Variants in FAM117B observed in about 807,000 individuals in gnomAD.
FAM117B encodes protein FAM117B.
A neutral mutation model predicts 52.8 loss-of-function variants in FAM117B; 22 were observed. The ratio of observed to expected loss-of-function variants is 0.42; its 90% CI spans 0.30 to 0.59. FAM117B has a LOEUF of 0.59. FAM117B is among the 20% of genes least tolerant of loss of function. The pLI, the probability that FAM117B is intolerant of heterozygous loss-of-function variation, is 0.22. For missense variants in FAM117B, 678 were observed against 802.6 expected, an observed-to-expected ratio of 0.84 and a Z score of 1.88; for synonymous variants, 309 against 324.1, an observed-to-expected ratio of 0.95 and a Z score of 0.50.
intron 1 of FAM117B, among the ~76,000 whole-genome samples, chr2:202,651,469 T>C (rs1403325753): frequency 6.6e-6 from 1 of 151,464 alleles, no homozygotes; most frequent in Admixed American, 6.6e-5. Flanking sequence ...ATCTCCTGGG[T>C]TTAAGTGATT....
intron 1 of FAM117B, among the ~76,000 whole-genome samples, chr2:202,667,393 G>T (rs548766962): frequency 2.0e-5 from 3 of 152,048 alleles, no homozygotes; most frequent in African/African-American, 7.2e-5. Context: ...GAGCCACCAC[G>T]CCCGGCCTAA....
chr2:202,678,320 T>C lies in FAM117B; in HGVS notation c.602-17561T>C, dbSNP rs1006035036. On this transcript the variant is annotated intron_variant, in intron 1 of 7. Transcript: ENST00000392238. Reference sequence around the variant, plus strand: ...TGTGCGGTAGAAAAGTGGCTGCTTATATGAGGAGGCTGGAGGAGGTGGTGT... The same window carrying C: ...TGTGCGGTAGAAAAGTGGCTGCTTACATGAGGAGGCTGGAGGAGGTGGTGT... Among the ~76,000 whole-genome samples, 7 of 152,150 alleles carry C rather than the reference T, an allele frequency of 4.6e-5. No homozygotes were observed. In the East Asian group the frequency reaches 1.3e-3, roughly 29 times the overall value.
At chr2:202,666,653 TGTTTC>T (rs1206191492) in intron 1 of FAM117B, among the ~76,000 whole-genome samples, 3 of 151,314 alleles carry the variant, frequency 2.0e-5, no homozygotes, top group African/African-American at 7.3e-5. Flanking sequence ...TGAAATAACA[TGTTTC>T]GTTTCATTTC....
chr2:202,739,072 C>G (rs1691483980), intron 4 of FAM117B, among the ~76,000 whole-genome samples: 1 of 152,044 alleles, frequency 6.6e-6, no homozygotes, highest in Admixed American at 6.6e-5. Flanking sequence ...ACCTGTAATC[C>G]CAGCTACTCA....
At chr2:202,665,402 C>T (rs568535655) in intron 1 of FAM117B, among the ~76,000 whole-genome samples, 37 of 152,056 alleles carry the variant, frequency 2.4e-4, no homozygotes, top group Non-Finnish European at 4.3e-4. Flanking sequence ...CTTCTGCAGC[C>T]AGCCAAAGAA....
intron 3 of FAM117B, among the ~76,000 whole-genome samples, chr2:202,725,445 A>G (rs1559110455): frequency 1.3e-5 from 2 of 152,124 alleles, no homozygotes; most frequent in East Asian, 3.9e-4. Flanking sequence ...CAGCCTCCCA[A>G]GTACCTGGGA....
At chr2:202,726,894 C>T (rs1186144665) in intron 4 of FAM117B, among the ~76,000 whole-genome samples, 1 of 151,818 alleles carries the variant, frequency 6.6e-6, no homozygotes, top group Non-Finnish European at 1.5e-5. Flanking sequence ...TGTAACAAAC[C>T]TGCATGTTGT....
At chr2:202,717,740 T>C (rs1287804343) in intron 2 of FAM117B, among the ~76,000 whole-genome samples, 2 of 152,180 alleles carry the variant, frequency 1.3e-5, no homozygotes, top group Non-Finnish European at 2.9e-5. Context: ...TCAATGTGAT[T>C]GCACTGGGTC....
intron 4 of FAM117B, among the ~76,000 whole-genome samples, chr2:202,752,427 T>C (rs530996059): frequency 2.0e-5 from 3 of 151,614 alleles, no homozygotes; most frequent in Admixed American, 6.6e-5. Context: ...TTTTTTTTTT[T>C]TTTTTCCAGT....
intron 7 of FAM117B, among the ~76,000 whole-genome samples, chr2:202,762,483 A>G (rs908490566): frequency 6.6e-6 from 1 of 152,228 alleles, no homozygotes; most frequent in South Asian, 2.1e-4. Flanking sequence ...ATTCTTACAC[A>G]TTATGGCTTC....
Position 202,765,782 on chromosome 2 carries a change from CTGT to C in FAM117B, c.*23_*25del. 1 of 1,606,976 alleles carries C rather than the reference CTGT, an allele frequency of 6.2e-7. No individual in the cohort carries two copies. The highest frequency in any genetic ancestry group is 1.1e-5 in the South Asian group (1 of 90,218). ...AAGGATAGGTCACAGTGCAACGTGG[CTGT>C]TGTTCTGGGAAATTGGGAACCTCCT... On this transcript the variant is annotated 3_prime_UTR_variant, in exon 8 of 8. Coordinates refer to ENST00000392238, the MANE Select transcript of FAM117B (RefSeq NM_173511.4).
At chr2:202,715,465 G>T (rs531224715) in intron 2 of FAM117B, among the ~76,000 whole-genome samples, 5 of 149,788 alleles carry the variant, frequency 3.3e-5, no homozygotes, top group African/African-American at 1.2e-4. Flanking sequence ...GGGCAGAGGC[G>T]CTCCTCACGT....
chr2:202,650,268 AGT>A (rs1449788473), intron 1 of FAM117B, among the ~76,000 whole-genome samples: 3 of 152,144 alleles, frequency 2.0e-5, no homozygotes, highest in South Asian at 2.1e-4. Flanking sequence ...TAGATGAAAG[AGT>A]GTAATGATGG....
Position 202,635,073 on chromosome 2 carries a change from CG to C in FAM117B, c.-113del. The C allele has an allele frequency of 8.1e-7, 1 of 1,234,252 alleles. No individual in the cohort carries two copies. The highest frequency in any genetic ancestry group is 1.6e-5 in the African/African-American group (1 of 63,778). 76.5% of individuals were successfully genotyped at this position (1,234,252 alleles called of 1,614,324 possible). A position where few individuals can be genotyped will look rare whatever the true frequency, so the allele number is the denominator to read the frequency against. ...CGGTCTCCCCCTGCACCCCGGAGTCCGGCTTCGTCACCCCGTCTTGGGGGGC... is the reference window on the plus strand; with the variant it reads ...CGGTCTCCCCCTGCACCCCGGAGTCCGCTTCGTCACCCCGTCTTGGGGGGC... On this transcript the variant is annotated 5_prime_UTR_variant, in exon 1 of 8. Transcript: ENST00000392238.
At chr2:202,696,221 G>C (rs1690709874) in intron 2 of FAM117B, among the ~76,000 whole-genome samples, 189 bp downstream of exon 2, 1 of 152,142 alleles carries the variant, frequency 6.6e-6, no homozygotes, top group African/African-American at 2.4e-5. Flanking sequence ...TGGGGCCTGG[G>C]AATGTGCATT....
intron 1 of FAM117B, among the ~76,000 whole-genome samples, chr2:202,684,288 A>T (rs2114619): frequency 5.9e-5 from 9 of 152,106 alleles, no homozygotes; most frequent in East Asian, 1.9e-4. Flanking sequence ...AAAAAAATCA[A>T]TATACAGTCC....
At chr2:202,734,123 GA>G (rs1691402279) in intron 4 of FAM117B, among the ~76,000 whole-genome samples, 1 of 152,184 alleles carries the variant, frequency 6.6e-6, no homozygotes, top group Non-Finnish European at 1.5e-5. Context: ...GTAGGGCTGG[GA>G]AAGTTGGGGA....
chr2:202,701,643 G>T (rs1037296994), intron 2 of FAM117B, among the ~76,000 whole-genome samples: 1 of 152,178 alleles, frequency 6.6e-6, no homozygotes, highest in Non-Finnish European at 1.5e-5. Flanking sequence ...ACATTATCAG[G>T]AGTTTGGAAG....
chr2:202,705,849 T>G (rs1690862692), intron 2 of FAM117B, among the ~76,000 whole-genome samples: 1 of 152,186 alleles, frequency 6.6e-6, no homozygotes, highest in Non-Finnish European at 1.5e-5. Context: ...GAAACTGTAG[T>G]GTGTATGTGT....
Sources: allele counts gnomAD v4.1 joint callset (sites outside exome capture counted in the v4.1 genomes callset), GRCh38; gene constraint gnomAD v4.1.1; transcripts MANE v1.5; gene names NCBI Gene and HGNC (gene_info 2026-07-23, HGNC 2026-07-21).